The following SDK1 variants were observed in gnomAD, a reference collection of about 807,000 sequenced individuals.
The protein encoded by SDK1 is sidekick cell adhesion molecule 1.
A neutral mutation model predicts 245.5 loss-of-function variants in SDK1; 157 were observed. That is an observed-to-expected ratio of 0.64 (90% confidence interval 0.56 to 0.73). SDK1 has a LOEUF of 0.73. Ranked by LOEUF, SDK1 falls within the 30% of genes least tolerant of loss-of-function variation. The pLI, the probability that SDK1 is intolerant of heterozygous loss-of-function variation, is 0.00. For synonymous variants in SDK1, 1,647 were observed against 1,278.5 expected, an observed-to-expected ratio of 1.29 and a Z score of -6.15; for missense variants, 3,583 against 3,002.3, an observed-to-expected ratio of 1.19 and a Z score of -4.52.
intron 1 of SDK1, among the ~76,000 whole-genome samples, chr7:3,315,613 G>A (rs1779646824): frequency 6.6e-6 from 1 of 152,052 alleles, no homozygotes; most frequent in African/African-American, 2.4e-5. Flanking sequence ...AAATAGACCA[G>A]CCTACTTAAT....
intron 17 of SDK1, among the ~76,000 whole-genome samples, chr7:4,021,019 A>G (rs925698956): frequency 1.3e-5 from 2 of 152,158 alleles, no homozygotes; most frequent in Non-Finnish European, 2.9e-5. Context: ...GGGCCATTAC[A>G]CTGGAAGAGA....
chr7:3,858,667 C>T (rs564096455), intron 5 of SDK1, among the ~76,000 whole-genome samples: 3 of 151,884 alleles, frequency 2.0e-5, no homozygotes, highest in African/African-American at 7.2e-5. Flanking sequence ...TTCTAGGAAG[C>T]ACAAGTCCCA....
intron 1 of SDK1, among the ~76,000 whole-genome samples, chr7:3,345,271 C>A (rs999452495): frequency 3.3e-5 from 5 of 151,964 alleles, no homozygotes; most frequent in Non-Finnish European, 7.4e-5. Flanking sequence ...CTGACTTCTT[C>A]CAGATAAATA....
chr7:3,707,984 G>C (rs1047370255), intron 4 of SDK1, among the ~76,000 whole-genome samples: 13 of 152,066 alleles, frequency 8.5e-5, no homozygotes, highest in African/African-American at 3.1e-4. Flanking sequence ...AAATACCTGA[G>C]ACTGAGTAAT....
At chr7:4,151,779 C>G (rs1311815377) in intron 30 of SDK1, among the ~76,000 whole-genome samples, 1 of 152,222 alleles carries the variant, frequency 6.6e-6, no homozygotes, top group Non-Finnish European at 1.5e-5. Context: ...TCCCAGTTTA[C>G]ACACGCAGAC....
chr7:4,248,725 C>G (rs945913721), intron 44 of SDK1, among the ~76,000 whole-genome samples: 1 of 152,108 alleles, frequency 6.6e-6, no homozygotes. Context: ...CGCACACGCA[C>G]ATACCCAAAT....
At chr7:3,732,422 TA>T (rs1489123924) in intron 4 of SDK1, among the ~76,000 whole-genome samples, 2 of 152,240 alleles carry the variant, frequency 1.3e-5, no homozygotes, top group African/African-American at 4.8e-5. Context: ...GAAGATTTTT[TA>T]AAAACTTGAC....
intron 1 of SDK1, among the ~76,000 whole-genome samples, chr7:3,369,496 A>G (rs1024465284): frequency 1.6e-4 from 25 of 152,194 alleles, no homozygotes; most frequent in African/African-American, 2.9e-4. Flanking sequence ...CAAGCTTGCC[A>G]ACTCTTACAT....
At chr7:4,076,975 G>C (rs772761543) in intron 20 of SDK1, 23 bp from the exon 21 acceptor site, 1 of 1,610,064 alleles carries the variant, frequency 6.2e-7, no homozygotes, top group South Asian at 1.1e-5. Flanking sequence ...GACCAACACT[G>C]GTCTGGTCCT....
At chr7:4,017,972 C>T (rs1786551496) in intron 17 of SDK1, among the ~76,000 whole-genome samples, 1 of 152,110 alleles carries the variant, frequency 6.6e-6, no homozygotes, top group African/African-American at 2.4e-5. Flanking sequence ...GCATCTGGTT[C>T]CTCCGCTGTT....
At chr7:3,522,073 A>T (rs905210744) in intron 1 of SDK1, among the ~76,000 whole-genome samples, 1 of 152,016 alleles carries the variant, frequency 6.6e-6, no homozygotes, top group Non-Finnish European at 1.5e-5. Flanking sequence ...GATTGTTACC[A>T]TTTCAAAACA....
chr7:3,889,476 C>T (rs1781407264), intron 5 of SDK1, among the ~76,000 whole-genome samples: 1 of 152,058 alleles, frequency 6.6e-6, no homozygotes. Flanking sequence ...GGTGGCATGC[C>T]CTACAGTGGT....
chr7:4,040,762 C>T (rs552366312), intron 17 of SDK1, among the ~76,000 whole-genome samples: 2 of 152,268 alleles, frequency 1.3e-5, no homozygotes, highest in South Asian at 2.1e-4. Flanking sequence ...TTTTATTATG[C>T]GGATGGGTTA....
intron 17 of SDK1, among the ~76,000 whole-genome samples, chr7:4,022,813 T>A (rs1787018232): frequency 6.7e-6 from 1 of 149,382 alleles, no homozygotes; most frequent in East Asian, 2.0e-4. Context: ...TTGCTCTGTC[T>A]CCCAGGCTGG....
chr7:4,230,073 AAGGAAG>A (rs1398900466), intron 40 of SDK1, among the ~76,000 whole-genome samples: 10 of 134,996 alleles, frequency 7.4e-5, no homozygotes, highest in African/African-American at 2.8e-4. Flanking sequence ...GGAAGGAAGG[AAGGAAG>A]GAAGGGTGGG....
intron 1 of SDK1, among the ~76,000 whole-genome samples, chr7:3,471,263 G>T (rs1457434299): frequency 6.6e-6 from 1 of 152,106 alleles, no homozygotes; most frequent in Non-Finnish European, 1.5e-5. Context: ...TCTTATAATT[G>T]GTTTGGCAAG....
chr7:4,219,996 C>T (rs545975712), intron 38 of SDK1, 113 bp from the exon 39 acceptor site: 8 of 1,280,362 alleles, frequency 6.2e-6, no homozygotes, highest in South Asian at 6.0e-5. Context: ...GTAAGAAATA[C>T]TTCCTTAGCA....
At chr7:3,578,127 C>G (rs1185829389) in intron 1 of SDK1, among the ~76,000 whole-genome samples, 1 of 151,952 alleles carries the variant, frequency 6.6e-6, no homozygotes, top group Non-Finnish European at 1.5e-5. Flanking sequence ...AATATTTCAA[C>G]ATAGGTTCTT....
chr7:4,074,912 A>ATTT (rs1410736866), intron 20 of SDK1, among the ~76,000 whole-genome samples: 1 of 76,572 alleles, frequency 1.3e-5, no homozygotes, highest in African/African-American at 1.0e-4. Flanking sequence ...ATATATATAT[A>ATTT]TATATTTTTT....
Sources: gnomAD v4.1 joint callset for allele counts (sites outside exome capture counted in the v4.1 genomes callset) on GRCh38, gnomAD v4.1.1 for gene constraint, MANE v1.5 for transcripts, NCBI Gene and HGNC (gene_info 2026-07-23, HGNC 2026-07-21) for gene names.